The following PISD variants were observed in gnomAD, a reference collection of about 807,000 sequenced individuals.
PISD encodes the protein phosphatidylserine decarboxylase proenzyme, mitochondrial.
In PISD, 31 loss-of-function variants were observed where a neutral mutation model predicts 43.5. The ratio of observed to expected loss-of-function variants is 0.71; its 90% CI spans 0.54 to 0.96. PISD has a LOEUF of 0.96. PISD is among the 40% of genes least tolerant of loss of function. The probability of loss-of-function intolerance (pLI) is 0.00; values close to 1 mark genes in which losing one functional copy is unlikely to be tolerated. For missense variants in PISD, 523 were observed against 548.4 expected, an observed-to-expected ratio of 0.95 and a Z score of 0.46; for synonymous variants, 259 against 228.7, an observed-to-expected ratio of 1.13 and a Z score of -1.20.
intron 3 of PISD, chr22:31,625,924 G>C: frequency 6.5e-7 from 1 of 1,527,402 alleles, no homozygotes; most frequent in Non-Finnish European, 8.8e-7. Flanking sequence ...CACTGCTCCA[G>C]GGCCTCTGCC....
In PISD at chr22:31,636,061, C is replaced by G. The variant is rs1332730702; in HGVS notation, c.321+12040G>C. On this transcript the variant is annotated intron_variant, in intron 3 of 7. Coordinates refer to ENST00000439502, the MANE Select transcript of PISD (RefSeq NM_001326411.2). ...AAGCTACAGCATGTACATCGCTCAC[C>G]AACATGGAGAACACGTCCGATACTG... 2.0e-5 allele frequency among the ~76,000 whole-genome samples: 3 copies of G among 152,204 alleles called. No homozygotes were observed. The East Asian group carries it at 5.8e-4, about 29-fold the overall frequency.
intron 1 of PISD, among the ~76,000 whole-genome samples, chr22:31,657,371 G>A (rs556825763): frequency 1.1e-4 from 16 of 151,898 alleles, no homozygotes; most frequent in African/African-American, 2.4e-4. Flanking sequence ...TCCTGACCTC[G>A]TGATCCACCC....
chr22:31,629,302 G>T (rs111303474), intron 3 of PISD: 38 of 811,052 alleles, frequency 4.7e-5, no homozygotes, highest in Non-Finnish European at 5.5e-5. Flanking sequence ...AAGGGTATGT[G>T]CATGGAGGGG....
chr22:31,620,446 T>G lies in PISD; in HGVS notation c.1005+107A>C, dbSNP rs546545130. Reference sequence around the variant, plus strand: ...GCAGAGCCAGGCCTGACCAGAGCTGTGGCCTCCCTAGAATTCAGTCCCAAC... The same window carrying G: ...GCAGAGCCAGGCCTGACCAGAGCTGGGGCCTCCCTAGAATTCAGTCCCAAC... On this transcript the variant is annotated intron_variant, in intron 7 of 7. Coordinates refer to ENST00000439502, the MANE Select transcript of PISD (RefSeq NM_001326411.2). The G allele has an allele frequency of 2.6e-5, 29 of 1,119,398 alleles. No homozygotes were observed. The East Asian group carries it at 6.3e-4, about 24-fold the overall frequency. 69.3% of individuals were successfully genotyped at this position (1,119,398 alleles called of 1,614,324 possible).
chr22:31,631,347 G>A (rs1043379430), intron 3 of PISD, among the ~76,000 whole-genome samples: 2 of 152,188 alleles, frequency 1.3e-5, no homozygotes, highest in Admixed American at 6.5e-5. Context: ...CAGAGAATGC[G>A]AAATCCTTGA....
intron 7 of PISD, among the ~76,000 whole-genome samples, chr22:31,620,162 C>T (rs560309260): frequency 1.6e-4 from 25 of 152,352 alleles, no homozygotes; most frequent in African/African-American, 5.3e-4. Context: ...AAGGCAGCCC[C>T]TGGGGGCAGG....
chr22:31,650,942 T>C (rs2074014414), intron 1 of PISD, among the ~76,000 whole-genome samples, 164 bp from the exon 2 acceptor site: 1 of 152,200 alleles, frequency 6.6e-6, no homozygotes, highest in South Asian at 2.1e-4. Flanking sequence ...GGGGAAGGAC[T>C]GAAATATTTA....
intron 7 of PISD, among the ~76,000 whole-genome samples, 156 bp downstream of exon 7, chr22:31,620,397 G>A (rs1487845136): frequency 1.3e-5 from 2 of 152,216 alleles, no homozygotes; most frequent in South Asian, 2.1e-4. Flanking sequence ...CAGGTGGAGC[G>A]GCCATTCTCA....
intron 3 of PISD, among the ~76,000 whole-genome samples, chr22:31,637,165 ATATATATATATAT>A (rs1475077534): frequency 0.028 from 379 of 13,398 alleles, 12 homozygotes; most frequent in Non-Finnish European, 0.033. Flanking sequence ...AAAAAAAAAA[ATATATATATATAT>A]ATATATATAT....
At chr22:31,632,373 G>A (rs2073241042) in intron 3 of PISD, 1 of 255,038 alleles carries the variant, frequency 3.9e-6, no homozygotes, top group Non-Finnish European at 6.2e-6. Flanking sequence ...TGTGGTACAG[G>A]GGTGGCAGAT....
At position 31,621,646 on chromosome 22, in the gene PISD, C is replaced by T. The variant is rs2072585772; in HGVS notation, c.558+3G>A. ...CCTGCAGGAGGAAAGGGTCAGGCCTCACCACGCTGTGCAGGCCACAGACAG... is the reference window on the plus strand; with the variant it reads ...CCTGCAGGAGGAAAGGGTCAGGCCTTACCACGCTGTGCAGGCCACAGACAG... On this transcript the variant is annotated splice_donor_region_variant and intron_variant, in intron 4 of 7. Transcript: ENST00000439502. 2.5e-6 allele frequency: 4 copies of T among 1,611,660 alleles called. No individual in the cohort carries two copies. Among genetic ancestry groups the T allele is most frequent in the East Asian group, 2.2e-5 (1 of 44,860 alleles).
At chr22:31,651,797 T>C (rs1244211589) in intron 1 of PISD, among the ~76,000 whole-genome samples, 1 of 152,204 alleles carries the variant, frequency 6.6e-6, no homozygotes, top group Non-Finnish European at 1.5e-5. Context: ...CTCTTCTTTG[T>C]TTCATCTTTG....
chr22:31,620,892 C>T (rs1216645957), intron 6 of PISD, 104 bp downstream of exon 6: 4 of 1,426,884 alleles, frequency 2.8e-6, no homozygotes, highest in Middle Eastern at 2.5e-4. Flanking sequence ...AACTCCTGGC[C>T]TCAATGACCC....
chr22:31,637,141 A>AT (rs1208149126), intron 3 of PISD, among the ~76,000 whole-genome samples: 5 of 29,454 alleles, frequency 1.7e-4, no homozygotes, highest in South Asian at 1.3e-3. Flanking sequence ...TAATAAATAA[A>AT]TTAAAAAAAA....
At chr22:31,657,267 C>T (rs1175850150) in intron 1 of PISD, among the ~76,000 whole-genome samples, 1 of 151,846 alleles carries the variant, frequency 6.6e-6, no homozygotes, top group Non-Finnish European at 1.5e-5. Context: ...TCCCGAGTAG[C>T]TGGGATTACA....
intron 3 of PISD, among the ~76,000 whole-genome samples, chr22:31,631,068 G>T (rs973568605): frequency 6.6e-6 from 1 of 152,246 alleles, no homozygotes; most frequent in Non-Finnish European, 1.5e-5. Context: ...AGCTCTGCTT[G>T]GTCACTGTCA....
chr22:31,628,129 G>A (rs2073008672), intron 3 of PISD: 2 of 985,542 alleles, frequency 2.0e-6, no homozygotes, highest in Admixed American at 6.1e-5. Flanking sequence ...ACCAGCTGTG[G>A]GCCCCAGAAG....
At chr22:31,636,455 C>A (rs992041178) in intron 3 of PISD, among the ~76,000 whole-genome samples, 1 of 152,180 alleles carries the variant, frequency 6.6e-6, no homozygotes, top group African/African-American at 2.4e-5. Context: ...AACCACCTTC[C>A]GGGTTCAAGC....
Position 31,619,168 on chromosome 22 carries a change from C to G in PISD, c.*444G>C, listed in dbSNP as rs893511636. The G allele has an allele frequency of 1.1e-5, 3 of 285,368 alleles. No individual in the cohort carries two copies. Among genetic ancestry groups the G allele is most frequent in the Non-Finnish European group, 2.1e-5 (3 of 144,248 alleles). 17.7% of individuals were successfully genotyped at this position (285,368 alleles called of 1,614,324 possible). On this transcript the variant is annotated 3_prime_UTR_variant, in exon 8 of 8. Coordinates refer to ENST00000439502, the MANE Select transcript of PISD (RefSeq NM_001326411.2). The stretch of plus-strand genomic sequence containing the variant: ...GGGGAGAGGCATCCACAGTCTGTGC[C>G]AAGGAGGCACCTCACCCTGTGCAGC...
Sources: allele counts gnomAD v4.1 joint callset (sites outside exome capture counted in the v4.1 genomes callset), GRCh38; gene constraint gnomAD v4.1.1; transcripts MANE v1.5; gene names NCBI Gene and HGNC (gene_info 2026-07-23, HGNC 2026-07-21).